The following FOSL1 variants were observed in gnomAD, a reference collection of about 807,000 sequenced individuals.
FOSL1 encodes the protein fos-related antigen 1.
A neutral mutation model predicts 24.9 loss-of-function variants in FOSL1; 14 were observed. That is an observed-to-expected ratio of 0.56 (90% confidence interval 0.37 to 0.88). The LOEUF is 0.88. Among genes scored for constraint, FOSL1 ranks in the 40% least tolerant of loss-of-function variants. The pLI is 0.00. For missense variants in FOSL1, 318 were observed against 359.8 expected, an observed-to-expected ratio of 0.88 and a Z score of 0.94; for synonymous variants, 133 against 145.1, an observed-to-expected ratio of 0.92 and a Z score of 0.60.
chr11:65,893,404 G>C, intron 3 of FOSL1, 108 bp from the exon 4 acceptor site: 5 of 793,418 alleles, frequency 6.3e-6, no homozygotes, highest in Non-Finnish European at 7.9e-6. Flanking sequence ...GGGGGAGAGG[G>C]GGGGCAGTGG....
chr11:65,895,000 G>A (rs1161715720), intron 2 of FOSL1, among the ~76,000 whole-genome samples: 4 of 144,458 alleles, frequency 2.8e-5, no homozygotes, highest in Admixed American at 1.4e-4. Context: ...GGGTCTCACT[G>A]TGTTGCCCAG....
At chr11:65,896,713 C>A in intron 2 of FOSL1, 96 bp downstream of exon 2, 6 of 1,050,502 alleles carry the variant, frequency 5.7e-6, no homozygotes, top group Non-Finnish European at 8.3e-6. Flanking sequence ...TACCTTACCC[C>A]CTCCTAAGCC....
Position 65,892,385 on chromosome 11 carries a change from C to T in FOSL1, c.*501G>A, listed in dbSNP as rs1860406533. 9.1e-6 allele frequency: 3 copies of T among 330,292 alleles called. No homozygotes were observed. The highest frequency in any genetic ancestry group is 1.8e-5 in the Non-Finnish European group (3 of 166,840). The allele number at this position is 330,292 out of a possible 1,614,324, so 20.5% of individuals were successfully genotyped here. A position where few individuals can be genotyped will look rare whatever the true frequency, so the allele number is the denominator to read the frequency against. On this transcript the variant is annotated 3_prime_UTR_variant, in exon 4 of 4. Coordinates refer to ENST00000312562, the MANE Select transcript of FOSL1 (RefSeq NM_005438.5). Reference sequence around the variant, plus strand: ...CAGCTCATCACAGAAGCCAAGGGCGCCTCCTGAGCTGTGCGGTTCAGGAGG... The same window carrying T: ...CAGCTCATCACAGAAGCCAAGGGCGTCTCCTGAGCTGTGCGGTTCAGGAGG...
In FOSL1 at chr11:65,893,002, C is replaced by A. The variant is rs780287493; in HGVS notation, c.700G>T (p.Val234Phe). ...PSLTPFTPSL[V>F]FTYPSTPEPC... Reference sequence around the variant, plus strand: ...TCAGGAGTGCTGGGGTAGGTGAAGACCAGGCTGGGGGTGAAAGGAGTTAGG... The same window carrying A: ...TCAGGAGTGCTGGGGTAGGTGAAGAACAGGCTGGGGGTGAAAGGAGTTAGG... Residue 234 changes from valine (V) to phenylalanine (F), a missense_variant, in exon 4 of 4, where the codon GTC becomes TTC. By Grantham distance (50) the Val-to-Phe change is conservative. Transcript: ENST00000312562. The A allele has an allele frequency of 3.7e-6, 6 of 1,612,526 alleles. No individual in the cohort carries two copies. Among genetic ancestry groups the A allele is most frequent in the Non-Finnish European group, 5.1e-6 (6 of 1,179,804 alleles).
chr11:65,893,350 C>G (rs917060542), intron 3 of FOSL1, 54 bp from the exon 4 acceptor site: 12 of 1,458,564 alleles, frequency 8.2e-6, no homozygotes, highest in Non-Finnish European at 1.1e-5. Flanking sequence ...ACCCCAGAGC[C>G]GCAGACGTTT....
chr11:65,895,123 C>CTTT (rs71036251), intron 2 of FOSL1, among the ~76,000 whole-genome samples: 27 of 111,404 alleles, frequency 2.4e-4, no homozygotes, highest in Non-Finnish European at 3.2e-4. Context: ...AACATAGATT[C>CTTT]TTTTTTTTTT....
intron 2 of FOSL1, 98 bp downstream of exon 2, chr11:65,896,711 C>A: frequency 1.9e-6 from 2 of 1,026,164 alleles, no homozygotes; most frequent in Non-Finnish European, 2.9e-6. Flanking sequence ...CCTACCTTAC[C>A]CCCTCCTAAG....
At chr11:65,898,039 T>C (rs558996602) in intron 1 of FOSL1, among the ~76,000 whole-genome samples, 2 of 70,142 alleles carry the variant, frequency 2.9e-5, no homozygotes, top group African/African-American at 4.4e-5. Context: ...TTTTTTTTTC[T>C]TTTCTGTTTT....
chr11:65,892,516 T>G lies in FOSL1; in HGVS notation c.*370A>C. 1 of 480,614 alleles carries G rather than the reference T, an allele frequency of 2.1e-6. No homozygotes were observed. Among genetic ancestry groups the G allele is most frequent in the Non-Finnish European group, 4.1e-6 (1 of 243,922 alleles). The allele number at this position is 480,614 out of a possible 1,614,324, so 29.8% of individuals were successfully genotyped here. A position where few individuals can be genotyped will look rare whatever the true frequency, so the allele number is the denominator to read the frequency against. On this transcript the variant is annotated 3_prime_UTR_variant, in exon 4 of 4. Coordinates refer to ENST00000312562, the MANE Select transcript of FOSL1 (RefSeq NM_005438.5). ...GGCACCTTCTGTCAGGAGATAGGGTTGGGTGGATCACAGGAAGAGGGTGAT... is the reference window on the plus strand; with the variant it reads ...GGCACCTTCTGTCAGGAGATAGGGTGGGGTGGATCACAGGAAGAGGGTGAT...
At chr11:65,893,786 A>G (rs1453766869) in intron 3 of FOSL1, among the ~76,000 whole-genome samples, 5 of 151,982 alleles carry the variant, frequency 3.3e-5, no homozygotes, top group Non-Finnish European at 1.5e-5. Flanking sequence ...TGACAGAGCG[A>G]GACTCTGTCT....
chr11:65,900,047 A>T (rs1294634912), intron 1 of FOSL1, among the ~76,000 whole-genome samples, 194 bp downstream of exon 1: 2 of 152,102 alleles, frequency 1.3e-5, no homozygotes, highest in Non-Finnish European at 2.9e-5. Context: ...GGAGAAGGGG[A>T]GTTCGCGGGT....
intron 1 of FOSL1, among the ~76,000 whole-genome samples, chr11:65,897,649 C>T (rs377113573): frequency 3.3e-5 from 5 of 152,072 alleles, no homozygotes; most frequent in African/African-American, 4.8e-5. Context: ...CTAGTATCTT[C>T]ATTTTCAGAC....
chr11:65,896,524 C>T (rs547591812), intron 2 of FOSL1, among the ~76,000 whole-genome samples: 101 of 152,250 alleles, frequency 6.6e-4, no homozygotes, highest in African/African-American at 2.4e-3. Context: ...TCCTGCCACC[C>T]CCGCTACCTG....
At chr11:65,893,574 T>C (rs1005836607) in intron 3 of FOSL1, among the ~76,000 whole-genome samples, 1 of 152,134 alleles carries the variant, frequency 6.6e-6, no homozygotes, top group Non-Finnish European at 1.5e-5. Context: ...GCGGATCACT[T>C]GAGACCAGGA....
At chr11:65,897,588 C>T (rs535000292) in intron 1 of FOSL1, among the ~76,000 whole-genome samples, 69 of 152,286 alleles carry the variant, frequency 4.5e-4, no homozygotes, top group Non-Finnish European at 5.3e-4. Flanking sequence ...GATCCACCCG[C>T]CTCGGCCTCC....
intron 2 of FOSL1, among the ~76,000 whole-genome samples, chr11:65,894,524 A>C (rs891627667): frequency 8.5e-5 from 13 of 152,162 alleles, no homozygotes; most frequent in African/African-American, 3.1e-4. Flanking sequence ...CTCCTCTTCC[A>C]TGAGCTGTAA....
chr11:65,896,113 G>A (rs1860519943), intron 2 of FOSL1, among the ~76,000 whole-genome samples: 2 of 152,006 alleles, frequency 1.3e-5, no homozygotes, highest in South Asian at 4.1e-4. Flanking sequence ...TGATCCTCCT[G>A]CCTAGGTCTC....
At chr11:65,893,636 C>T (rs971613593) in intron 3 of FOSL1, among the ~76,000 whole-genome samples, 1 of 152,058 alleles carries the variant, frequency 6.6e-6, no homozygotes, top group African/African-American at 2.4e-5. Flanking sequence ...ACTAAAAATA[C>T]AAAAATTAGT....
At chr11:65,893,322 G>C in intron 3 of FOSL1, 26 bp from the exon 4 acceptor site, 1 of 1,550,132 alleles carries the variant, frequency 6.5e-7, no homozygotes, top group South Asian at 1.2e-5. Flanking sequence ...AGAGGAGTCA[G>C]AAAGGTGAGG....
Sources: gnomAD v4.1 joint callset for allele counts (sites outside exome capture counted in the v4.1 genomes callset) on GRCh38, gnomAD v4.1.1 for gene constraint, MANE v1.5 for transcripts, NCBI Gene and HGNC (gene_info 2026-07-23, HGNC 2026-07-21) for gene names.